Variants in SPARC observed in about 807,000 individuals in gnomAD.
SPARC encodes the protein secreted protein acidic and cysteine rich, also known as basement-membrane protein 40.
SPARC carries 23 observed loss-of-function variants against 37.7 expected under a neutral mutation model. The observed-to-expected ratio is 0.61, with a 90% CI of 0.44 to 0.87. The LOEUF is 0.87. SPARC is among the 40% of genes least tolerant of loss of function. The probability of loss-of-function intolerance (pLI) is 0.00; values close to 1 mark genes in which losing one functional copy is unlikely to be tolerated. For synonymous variants in SPARC, 155 were observed against 150.8 expected, an observed-to-expected ratio of 1.03 and a Z score of -0.20; for missense variants, 312 against 389.0, an observed-to-expected ratio of 0.80 and a Z score of 1.66.
In SPARC at chr5:151,663,660, C is replaced by T. The variant is rs1760562342; in HGVS notation, c.884-61G>A. 5 of 1,575,118 alleles carry T rather than the reference C, an allele frequency of 3.2e-6. No homozygotes were observed. The Admixed American group carries it at 6.7e-5, about 21-fold the overall frequency. On this transcript the variant is annotated intron_variant, in intron 9 of 9. Coordinates refer to ENST00000231061, the MANE Select transcript of SPARC (RefSeq NM_003118.4). ...GCTGTGTCGATGATAACGCACTTCC[C>T]AAGGAGTCAGTGGACTCCCACCCAT... is the stretch of plus-strand genomic sequence containing the variant.
At chr5:151,681,711 A>G (rs1037166904) in intron 1 of SPARC, among the ~76,000 whole-genome samples, 1 of 152,098 alleles carries the variant, frequency 6.6e-6, no homozygotes, top group East Asian at 1.9e-4. Context: ...GGCCAACATG[A>G]TGAAACCCCG....
rs1760511789 is a variant in SPARC at position 151,661,836 on chromosome 5, A to C, written c.*1735T>G. The C allele has an allele frequency of 6.6e-6, 1 of 152,208 alleles. No homozygotes were observed. The highest frequency in any genetic ancestry group is 2.1e-4 in the South Asian group (1 of 4,824). The allele number at this position is 152,208 out of a possible 1,614,324, so 9.4% of individuals were successfully genotyped here. A position where few individuals can be genotyped will look rare whatever the true frequency, so the allele number is the denominator to read the frequency against. ...TTTGAATGTTAACTAATTTAAATTT[A>C]AATCTTAAAAAGTTACATGTGGGTA... On this transcript the variant is annotated 3_prime_UTR_variant, in exon 10 of 10. Transcript: ENST00000231061.
intron 1 of SPARC, among the ~76,000 whole-genome samples, chr5:151,684,911 A>G (rs1273127929): frequency 1.3e-5 from 2 of 152,132 alleles, no homozygotes; most frequent in Admixed American, 1.3e-4. Context: ...ATCATGGCCC[A>G]AGGCTTCCCC....
intron 3 of SPARC, among the ~76,000 whole-genome samples, chr5:151,673,512 C>T (rs2113100675): frequency 6.6e-6 from 1 of 152,328 alleles, no homozygotes; most frequent in African/African-American, 2.4e-5. Flanking sequence ...GCCTCCTATT[C>T]TATGCAGTCA....
At chr5:151,682,855 G>T (rs1279954825) in intron 1 of SPARC, among the ~76,000 whole-genome samples, 2 of 152,206 alleles carry the variant, frequency 1.3e-5, no homozygotes, top group African/African-American at 4.8e-5. Flanking sequence ...ATCCCCAGAT[G>T]AGAGAAGTTA....
At chr5:151,677,603 A>C (rs548930618) in intron 1 of SPARC, among the ~76,000 whole-genome samples, 1 of 152,286 alleles carries the variant, frequency 6.6e-6, no homozygotes, top group East Asian at 1.9e-4. Context: ...AAATGGGTAG[A>C]CTAGGTGAAC....
Position 151,669,716 on chromosome 5 carries a change from C to T in SPARC, c.399G>A (p.Glu133=), listed in dbSNP as rs186011037. ...GGAGCTTGTGGCCCTTCTTGGTGCC[C>T]TCCAGGGTGCACTTTGTGGCAAAGA... ...CHFFATKCTL[E]GTKKGHKLHL... is the part of the protein sequence containing the mutation. Residue 133 remains glutamate (E), a synonymous_variant, in exon 6 of 10, where the codon GAG becomes GAA. Transcript: ENST00000231061. The T allele has an allele frequency of 4.3e-6, 7 of 1,614,166 alleles. No homozygotes were observed. In the East Asian group the frequency reaches 8.9e-5, roughly 21 times the overall value.
intron 1 of SPARC, chr5:151,679,864 T>C (rs1251158747): frequency 1.3e-5 from 2 of 152,192 alleles, no homozygotes; most frequent in Non-Finnish European, 2.9e-5. Context: ...AATCATGGAC[T>C]GTGGGTCTCA....
rs763824108 is a variant in SPARC at position 151,664,235 on chromosome 5, C to T, written c.735G>A (p.Gly245=). 3 of 1,613,502 alleles carry T rather than the reference C, an allele frequency of 1.9e-6. No individual in the cohort carries two copies. Among genetic ancestry groups the T allele is most frequent in the Non-Finnish European group, 2.5e-6 (3 of 1,179,854 alleles). The change falls in exon 9 of 10, where the codon GGG becomes GGA. Residue 245 remains glycine, a splice_region_variant and synonymous_variant. Transcript: ENST00000231061. ...FGQLDQHPID[G]YLSHTELAPL... is the part of the protein sequence containing the mutation. ...GAGCCAGCTCGGTGTGGGAGAGGTA[C>T]CTGCAGGGAAGGAGGCAGGGGAGGG... is the stretch of plus-strand genomic sequence containing the variant.
At chr5:151,676,078 C>T in intron 2 of SPARC, 54 bp downstream of exon 2, 2 of 1,475,568 alleles carry the variant, frequency 1.4e-6, no homozygotes, top group Non-Finnish European at 1.9e-6. Context: ...GCTCAGAACC[C>T]CTGGTGCTAG....
chr5:151,674,099 C>T (rs762907008), intron 3 of SPARC, among the ~76,000 whole-genome samples: 1 of 152,046 alleles, frequency 6.6e-6, no homozygotes, highest in Non-Finnish European at 1.5e-5. Context: ...GCAACCTCCA[C>T]CTCCCGGGTT....
intron 4 of SPARC, among the ~76,000 whole-genome samples, chr5:151,672,013 G>A (rs1760758826): frequency 6.6e-6 from 1 of 152,158 alleles, no homozygotes; most frequent in Non-Finnish European, 1.5e-5. Flanking sequence ...TGTGTTCCTG[G>A]GTCTCCATTG....
At chr5:151,684,584 C>G (rs1414140243) in intron 1 of SPARC, among the ~76,000 whole-genome samples, 1 of 138,572 alleles carries the variant, frequency 7.2e-6, no homozygotes, top group Non-Finnish European at 1.5e-5. Flanking sequence ...ATACAAACCC[C>G]AAGATGATGG....
At chr5:151,675,206 G>C (rs1760829745) in intron 2 of SPARC, among the ~76,000 whole-genome samples, 1 of 152,188 alleles carries the variant, frequency 6.6e-6, no homozygotes, top group South Asian at 2.1e-4. Context: ...TGCCAACTTT[G>C]AGAAACTTTT....
chr5:151,667,575 C>T lies in SPARC; in HGVS notation c.477G>A (p.Glu159=). Reference sequence around the variant, plus strand: ...GCATGCGCAGGGGGAATTCGGTCAGCTCAGAGTCCAGGCAAGGGGGGATGT... The same window carrying T: ...GCATGCGCAGGGGGAATTCGGTCAGTTCAGAGTCCAGGCAAGGGGGGATGT... The part of the protein sequence containing the change: ...CKYIPPCLDS[E]LTEFPLRMRD... The change falls in exon 7 of 10, where the codon GAG becomes GAA. Residue 159 remains glutamate (E), a synonymous_variant. Transcript: ENST00000231061. The T allele has an allele frequency of 1.2e-6, 2 of 1,614,154 alleles. No homozygotes were observed. The highest frequency in any genetic ancestry group is 1.7e-6 in the Non-Finnish European group (2 of 1,180,020).
At chr5:151,671,815 C>T (rs554195571) in intron 4 of SPARC, 121 bp from the exon 5 acceptor site, 552 of 1,330,424 alleles carry the variant, frequency 4.1e-4, no homozygotes, top group Non-Finnish European at 3.7e-4. Flanking sequence ...GGGCTTTGGA[C>T]AGCCCTGAGT....
intron 1 of SPARC, 79 bp from the exon 2 acceptor site, chr5:151,676,280 C>G: frequency 2.0e-6 from 2 of 976,220 alleles, no homozygotes; most frequent in Non-Finnish European, 3.2e-6. Context: ...CTGATATGTG[C>G]AAGATAATGT....
At chr5:151,682,982 T>TA (rs972336733) in intron 1 of SPARC, among the ~76,000 whole-genome samples, 2 of 152,006 alleles carry the variant, frequency 1.3e-5, no homozygotes, top group Non-Finnish European at 2.9e-5. Flanking sequence ...ATTTCCTGTC[T>TA]AAGCTGCCAG....
rs535157711 is a variant in SPARC at position 151,668,592 on chromosome 5, C to G, written c.452-992G>C. ...GCTTAGGGGTCTGTTCTTCCCTCAT[C>G]ATTGAACCAGGGAAAGTCCCCTCTG... On this transcript the variant is annotated intron_variant, in intron 6 of 9. Transcript: ENST00000231061. 1.8e-4 allele frequency among the ~76,000 whole-genome samples: 27 copies of G among 152,252 alleles called. No individual in the cohort carries two copies. In the South Asian group the frequency reaches 4.8e-3, roughly 27 times the overall value.
Sources: allele counts gnomAD v4.1 joint callset (sites outside exome capture counted in the v4.1 genomes callset), GRCh38; gene constraint gnomAD v4.1.1; transcripts MANE v1.5; gene names NCBI Gene and HGNC (gene_info 2026-07-23, HGNC 2026-07-21).